Variants in XPR1 observed in about 807,000 individuals in gnomAD.
XPR1 encodes the protein solute carrier family 53 member 1.
A neutral mutation model predicts 87.5 loss-of-function variants in XPR1; 28 were observed. The observed-to-expected ratio is 0.32, with a 90% CI of 0.24 to 0.44. The LOEUF is 0.44. Ranked by LOEUF, XPR1 falls within the 20% of genes least tolerant of loss-of-function variation. The pLI, the probability that XPR1 is intolerant of heterozygous loss-of-function variation, is 1.00. For missense variants in XPR1, 559 were observed against 862.3 expected, an observed-to-expected ratio of 0.65 and a Z score of 4.41; for synonymous variants, 300 against 306.1, an observed-to-expected ratio of 0.98 and a Z score of 0.21.
chr1:180,807,362 A>G (rs746371352), intron 6 of XPR1, among the ~76,000 whole-genome samples: 5 of 152,256 alleles, frequency 3.3e-5, no homozygotes, highest in Non-Finnish European at 7.3e-5. Flanking sequence ...GAGTTTAGCA[A>G]GGTTGCCAAA....
At position 180,886,240 on chromosome 1, in the gene XPR1, T is replaced by C. The variant is rs1653006610; in HGVS notation, c.*2174T>C. 2 of 152,358 alleles carry C rather than the reference T, an allele frequency of 1.3e-5. No homozygotes were observed. Among genetic ancestry groups the C allele is most frequent in the Middle Eastern group, 6.8e-3 (2 of 294 alleles). The allele number at this position is 152,358 out of a possible 1,614,324, so 9.4% of individuals were successfully genotyped here. On this transcript the variant is annotated 3_prime_UTR_variant, in exon 15 of 15. Coordinates refer to ENST00000367590, the MANE Select transcript of XPR1 (RefSeq NM_004736.4). ...GTACTTTAAAACTATGGGGGAAATA[T>C]CACTGGTCTGTCAAGAAACAGCAGT...
At chr1:180,642,104 C>T (rs1291862652) in intron 1 of XPR1, among the ~76,000 whole-genome samples, 5 of 152,082 alleles carry the variant, frequency 3.3e-5, no homozygotes, top group South Asian at 4.1e-4. Flanking sequence ...CAAGAAAGTT[C>T]GGCATTGCCC....
At chr1:180,710,053 C>G (rs948194030) in intron 2 of XPR1, among the ~76,000 whole-genome samples, 2 of 151,948 alleles carry the variant, frequency 1.3e-5, no homozygotes, top group African/African-American at 4.8e-5. Flanking sequence ...CTACAGGCAC[C>G]TGGCTAATTT....
chr1:180,793,957 A>G (rs1398529355), intron 3 of XPR1, among the ~76,000 whole-genome samples: 1 of 152,062 alleles, frequency 6.6e-6, no homozygotes, highest in East Asian at 1.9e-4. Context: ...GAGTAACACA[A>G]TTTCCAAATG....
At chr1:180,720,397 G>A (rs570522019) in intron 2 of XPR1, among the ~76,000 whole-genome samples, 2 of 152,108 alleles carry the variant, frequency 1.3e-5, no homozygotes, top group South Asian at 2.1e-4. Flanking sequence ...TTTTGGTAGA[G>A]ATACAACATA....
chr1:180,632,945 A>G (rs1048815627), intron 1 of XPR1, among the ~76,000 whole-genome samples: 1 of 152,260 alleles, frequency 6.6e-6, no homozygotes, highest in African/African-American at 2.4e-5. Flanking sequence ...CATGAAGTCT[A>G]CAGAGTAATA....
Position 180,809,132 on chromosome 1 carries a change from T to G in XPR1, c.682-2275T>G, listed in dbSNP as rs1650112263. Among the ~76,000 whole-genome samples, 5 of 152,074 alleles carry G rather than the reference T, an allele frequency of 3.3e-5. No individual in the cohort carries two copies. In the South Asian group the frequency reaches 1.0e-3, roughly 32 times the overall value. ...ACAATGTGGATAAACCTCAAATTAA[T>G]TATGTGGAGAGAAAGCAGAAAAAAA... On this transcript the variant is annotated intron_variant, in intron 6 of 14. Coordinates refer to ENST00000367590, the MANE Select transcript of XPR1 (RefSeq NM_004736.4).
chr1:180,808,394 T>C (rs1197928228), intron 6 of XPR1, among the ~76,000 whole-genome samples: 6 of 151,810 alleles, frequency 4.0e-5, no homozygotes, highest in Non-Finnish European at 8.8e-5. Context: ...GAAGAAAATA[T>C]AGAAGAAAGT....
chr1:180,674,121 T>C (rs182577296), intron 1 of XPR1, among the ~76,000 whole-genome samples: 5 of 152,364 alleles, frequency 3.3e-5, no homozygotes, highest in Admixed American at 6.5e-5. Context: ...AATATTGTTT[T>C]AAGAGTTTTT....
intron 2 of XPR1, among the ~76,000 whole-genome samples, chr1:180,702,671 C>A (rs1052118513): frequency 4.6e-5 from 7 of 151,856 alleles, no homozygotes; most frequent in African/African-American, 1.5e-4. Context: ...TGTTGACTTT[C>A]TCATTCCGAT....
At chr1:180,734,677 C>T (rs12094045) in intron 2 of XPR1, among the ~76,000 whole-genome samples, 1 of 152,046 alleles carries the variant, frequency 6.6e-6, no homozygotes, top group Non-Finnish European at 1.5e-5. Context: ...TTCAGTATGG[C>T]GTATCAGCCC....
rs567903048 is a variant in XPR1, at chr1:180,704,814, GTTTTTTT to G, written c.121+22422_121+22428del. Among the ~76,000 whole-genome samples, 91 of 51,960 alleles carry G rather than the reference GTTTTTTT, an allele frequency of 1.8e-3. 1 individual carries two copies. Among genetic ancestry groups the G allele is most frequent in the Non-Finnish European group, 2.7e-3 (79 of 28,926 alleles). The allele number at this position is 51,960 out of a possible 152,430, so 34.1% of individuals were successfully genotyped here. ...GCCATTTTTCCAGGGACTGTTGGTT[GTTTTTTT>G]TTTTTTTTTTTTTTTTTTAAGTAAT... On this transcript the variant is annotated intron_variant, in intron 2 of 14. Transcript: ENST00000367590.
chr1:180,781,362 G>T (rs1249370325), intron 2 of XPR1, among the ~76,000 whole-genome samples: 1 of 151,920 alleles, frequency 6.6e-6, no homozygotes, highest in Non-Finnish European at 1.5e-5. Flanking sequence ...TAAGAAAATT[G>T]AGAATAGTAA....
chr1:180,655,028 T>C, intron 1 of XPR1, among the ~76,000 whole-genome samples: 1 of 152,202 alleles, frequency 6.6e-6, no homozygotes, highest in East Asian at 1.9e-4. Flanking sequence ...ACAGCAGCTG[T>C]ACCATTTTAC....
intron 2 of XPR1, among the ~76,000 whole-genome samples, chr1:180,748,400 CTTTTTTTTTTTTTTTTTTTTT>C (rs71297873): frequency 3.0e-4 from 9 of 29,678 alleles, no homozygotes; most frequent in East Asian, 1.6e-3. Flanking sequence ...TTATTTATGT[CTTTTTTTTTTTTTTTTTTTTT>C]TTTTTTTTTT....
chr1:180,778,424 G>A (rs1321739503), intron 2 of XPR1, among the ~76,000 whole-genome samples: 1 of 152,156 alleles, frequency 6.6e-6, no homozygotes, highest in Non-Finnish European at 1.5e-5. Context: ...TAGAATAACA[G>A]TGTATATTAG....
intron 11 of XPR1, among the ~76,000 whole-genome samples, chr1:180,859,245 T>C (rs1035869319): frequency 5.9e-5 from 9 of 152,194 alleles, no homozygotes; most frequent in African/African-American, 2.2e-4. Flanking sequence ...TCCTTTTTTC[T>C]TTTTTAATCA....
intron 5 of XPR1, 60 bp from the exon 6 acceptor site, chr1:180,806,414 A>G (rs56173014): frequency 4.5e-6 from 7 of 1,564,906 alleles, no homozygotes; most frequent in Non-Finnish European, 6.1e-6. Context: ...GTACAGAATT[A>G]TTTGTGCATC....
chr1:180,693,412 A>G (rs12090937), intron 2 of XPR1, among the ~76,000 whole-genome samples: 6,353 of 152,298 alleles, frequency 0.042, 471 homozygotes, highest in African/African-American at 0.14. Context: ...AATGGAAGAG[A>G]TACTCTAAAA....
Sources: allele counts gnomAD v4.1 joint callset (sites outside exome capture counted in the v4.1 genomes callset), GRCh38; gene constraint gnomAD v4.1.1; transcripts MANE v1.5; gene names NCBI Gene and HGNC (gene_info 2026-07-23, HGNC 2026-07-21).